Variants in PRPF39 observed in about 807,000 individuals in gnomAD.
PRPF39 encodes the protein pre-mRNA-processing factor 39.
PRPF39 carries 27 observed loss-of-function variants against 82.1 expected under a neutral mutation model. The ratio of observed to expected loss-of-function variants is 0.33; its 90% CI spans 0.24 to 0.45. The LOEUF (loss-of-function observed/expected upper bound fraction) is 0.45. PRPF39 is among the 20% of genes least tolerant of loss of function. The probability of loss-of-function intolerance (pLI) is 1.00; values close to 1 mark genes in which losing one functional copy is unlikely to be tolerated. For missense variants in PRPF39, 581 were observed against 796.9 expected, an observed-to-expected ratio of 0.73 and a Z score of 3.26; for synonymous variants, 261 against 256.4, an observed-to-expected ratio of 1.02 and a Z score of -0.17.
intron 11 of PRPF39, among the ~76,000 whole-genome samples, chr14:45,113,881 G>T (rs1884764240): frequency 6.6e-6 from 1 of 152,200 alleles, no homozygotes; most frequent in African/African-American, 2.4e-5. Context: ...AGCACATGCA[G>T]TAGGTAGCTG....
Position 45,095,889 on chromosome 14 carries a change from G to GTTTTT in PRPF39, c.325-198_325-194dup, listed in dbSNP as rs371379977. Among the ~76,000 whole-genome samples the GTTTTT allele has an allele frequency of 5.6e-3, 730 of 129,940 alleles. 8 individuals are homozygous for GTTTTT. The highest frequency in any genetic ancestry group is 0.019 in the African/African-American group (682 of 35,268). 85.2% of individuals were successfully genotyped at this position (129,940 alleles called of 152,430 possible). ...AAAAAGGGGGCTGCTGCCTGTGTAG[G>GTTTTT]TTTTTTTTTTTTTTTTTTTTAAGTG... is the stretch of plus-strand genomic sequence containing the variant. On this transcript the variant is annotated intron_variant, in intron 2 of 13. Coordinates refer to ENST00000355765, the MANE Select transcript of PRPF39 (RefSeq NM_017922.4).
chr14:45,088,910 A>G (rs1480956106), intron 1 of PRPF39, among the ~76,000 whole-genome samples: 4 of 152,268 alleles, frequency 2.6e-5, no homozygotes, highest in African/African-American at 7.2e-5. Context: ...TTTCTATTCT[A>G]TTTTCCATTT....
In PRPF39 at chr14:45,101,570, A is replaced by G. The variant is rs180702021; in HGVS notation, c.570-959A>G. Among the ~76,000 whole-genome samples, 594 of 151,500 alleles carry G rather than the reference A, an allele frequency of 3.9e-3. 10 individuals are homozygous for G. Among genetic ancestry groups the G allele is most frequent in the African/African-American group, 0.014 (572 of 41,232 alleles). ...CACTTTCGCCTCCCAGGTTCAAGTG[A>G]TTCTCATGCCTCAGACTCCCGAGTA... On this transcript the variant is annotated intron_variant, in intron 4 of 13. Transcript: ENST00000355765.
At chr14:45,111,425 C>T (rs1362249493) in intron 10 of PRPF39, among the ~76,000 whole-genome samples, 2 of 151,872 alleles carry the variant, frequency 1.3e-5, no homozygotes, top group Non-Finnish European at 2.9e-5. Context: ...ACCTCTGCCT[C>T]CTGGGTTCAA....
chr14:45,097,464 T>C lies in PRPF39; in HGVS notation c.569+459T>C, dbSNP rs117813946. ...TAATCAGTGCTACAGTGAACATCTC[T>C]GTACAAGTCAATATTTTTTGTAGAA... On this transcript the variant is annotated intron_variant, in intron 4 of 13. Transcript: ENST00000355765. 1.6e-3 allele frequency among the ~76,000 whole-genome samples: 244 copies of C among 152,352 alleles called. 1 individual carries two copies. In the East Asian group the frequency reaches 0.032, roughly 20 times the overall value.
At chr14:45,107,893 C>T (rs187179031) in intron 6 of PRPF39, among the ~76,000 whole-genome samples, 1 of 151,734 alleles carries the variant, frequency 6.6e-6, no homozygotes, top group Non-Finnish European at 1.5e-5. Context: ...GGCACCACTG[C>T]ACTCCAGCCT....
intron 1 of PRPF39, among the ~76,000 whole-genome samples, chr14:45,094,382 A>G (rs557769751): frequency 6.6e-6 from 1 of 152,284 alleles, no homozygotes; most frequent in African/African-American, 2.4e-5. Flanking sequence ...TGTAGTTATT[A>G]TCCAGACTGT....
Position 45,096,128 on chromosome 14 carries a change from C to T in PRPF39, c.350C>T (p.Ala117Val). 6.3e-7 allele frequency: 1 copy of T among 1,578,300 alleles called. No homozygotes were observed. Among genetic ancestry groups the T allele is most frequent in the Non-Finnish European group, 8.6e-7 (1 of 1,160,836 alleles). Residue 117 changes from alanine to valine, a missense_variant, in exon 3 of 14, where the codon GCA (alanine) becomes GTA (valine). Physicochemically the swap from Ala to Val is moderately conservative, Grantham distance 64 (BLOSUM62 0). Coordinates refer to ENST00000355765, the MANE Select transcript of PRPF39 (RefSeq NM_017922.4). ...AATCACTTGATGGCTGCCAGGAAGG[C>T]ATTTGACAGATTTTTCATACACTAT... Reference protein sequence around the residue: ...QENHLMAARKAFDRFFIHYPY... With the variant: ...QENHLMAARKVFDRFFIHYPY...
chr14:45,100,445 T>A (rs1382783535), intron 4 of PRPF39, among the ~76,000 whole-genome samples: 2 of 152,236 alleles, frequency 1.3e-5, no homozygotes, highest in East Asian at 3.8e-4. Flanking sequence ...TTTTATTTAC[T>A]TGGGGAATGG....
At chr14:45,098,099 T>C (rs1300855661) in intron 4 of PRPF39, among the ~76,000 whole-genome samples, 3 of 152,192 alleles carry the variant, frequency 2.0e-5, no homozygotes, top group Non-Finnish European at 4.4e-5. Flanking sequence ...TCAGCTTCAG[T>C]ATTTTTTTTT....
chr14:45,089,991 G>A (rs1053956467), intron 1 of PRPF39, among the ~76,000 whole-genome samples: 7 of 152,204 alleles, frequency 4.6e-5, no homozygotes, highest in African/African-American at 1.4e-4. Flanking sequence ...AGATGCAGGG[G>A]TGTGGTAAAT....
In PRPF39 at chr14:45,116,088, A is replaced by G. The variant is rs1884826961; in HGVS notation, c.*1175A>G. On this transcript the variant is annotated 3_prime_UTR_variant, in exon 14 of 14. Transcript: ENST00000355765. The stretch of plus-strand genomic sequence containing the variant: ...ATTTTATTAACTCCTTGAATTTTCC[A>G]GTTGACTCTTCCTTTACAATAGTAA... 1.3e-6 allele frequency: 1 copy of G among 746,134 alleles called. No individual in the cohort carries two copies. Among genetic ancestry groups the G allele is most frequent in the Non-Finnish European group, 2.3e-6 (1 of 437,668 alleles). The allele number at this position is 746,134 out of a possible 1,614,324, so 46.2% of individuals were successfully genotyped here. A position where few individuals can be genotyped will look rare whatever the true frequency, so the allele number is the denominator to read the frequency against.
intron 1 of PRPF39, among the ~76,000 whole-genome samples, chr14:45,084,933 A>G (rs1166958561): frequency 6.6e-6 from 1 of 152,218 alleles, no homozygotes; most frequent in Non-Finnish European, 1.5e-5. Flanking sequence ...ATTAGTAATG[A>G]TGCCATAATA....
At chr14:45,100,255 C>T (rs1239952722) in intron 4 of PRPF39, among the ~76,000 whole-genome samples, 2 of 149,900 alleles carry the variant, frequency 1.3e-5, no homozygotes, top group East Asian at 3.9e-4. Context: ...AACAAACAAA[C>T]AAACAAAACA....
intron 11 of PRPF39, 77 bp from the exon 12 acceptor site, chr14:45,114,105 TA>T: frequency 9.1e-7 from 1 of 1,104,018 alleles, no homozygotes; most frequent in South Asian, 1.6e-5. Flanking sequence ...GGCAGTTTCC[TA>T]AGTAAAAACA....
intron 1 of PRPF39, among the ~76,000 whole-genome samples, chr14:45,088,069 T>C (rs1301568928): frequency 1.3e-5 from 2 of 152,146 alleles, no homozygotes; most frequent in East Asian, 3.8e-4. Context: ...GTAGATATGG[T>C]CCTTACTCTC....
rs766277067 is a variant in PRPF39, at chr14:45,112,456, C to G, written c.1711C>G (p.Gln571Glu). The G allele has an allele frequency of 6.5e-7, 1 of 1,534,452 alleles. No individual in the cohort carries two copies. The highest frequency in any genetic ancestry group is 1.4e-5 in the African/African-American group (1 of 70,676). Residue 571 changes from glutamine to glutamate, a missense_variant, in exon 11 of 14, where the codon CAG becomes GAG. Coordinates refer to ENST00000355765, the MANE Select transcript of PRPF39 (RefSeq NM_017922.4). Reference sequence around the variant, plus strand: ...TATTAAAATGAGAATTACATTTTCTCAGAGAAAAGTGGAATTTCTTGAAGA... The same window carrying G: ...TATTAAAATGAGAATTACATTTTCTGAGAGAAAAGTGGAATTTCTTGAAGA... Reference protein sequence around the residue: ...LPIKMRITFSQRKVEFLEDFG... With the variant: ...LPIKMRITFSERKVEFLEDFG...
chr14:45,116,239 C>G lies in PRPF39; in HGVS notation c.*1326C>G. On this transcript the variant is annotated 3_prime_UTR_variant, in exon 14 of 14. Transcript: ENST00000355765. ...AATTCCACTTCAAAAGTGAGTTTTGCATTTGGTGGAATTCTGTTGAAGAAG... is the reference window on the plus strand; with the variant it reads ...AATTCCACTTCAAAAGTGAGTTTTGGATTTGGTGGAATTCTGTTGAAGAAG... The G allele has an allele frequency of 1.2e-6, 2 of 1,612,748 alleles. No individual in the cohort carries two copies.
intron 1 of PRPF39, among the ~76,000 whole-genome samples, chr14:45,093,358 A>G (rs1478087648): frequency 1.4e-5 from 2 of 139,548 alleles, no homozygotes; most frequent in Admixed American, 7.2e-5. Context: ...GAGTAGCTGG[A>G]ACTACAGACG....
Sources: allele counts gnomAD v4.1 joint callset (sites outside exome capture counted in the v4.1 genomes callset), GRCh38; gene constraint gnomAD v4.1.1; transcripts MANE v1.5; gene names NCBI Gene and HGNC (gene_info 2026-07-23, HGNC 2026-07-21).